CDH8: variants seen among roughly 807,000 people sequenced by gnomAD.
CDH8 encodes the protein cadherin-8.
A neutral mutation model predicts 68.1 loss-of-function variants in CDH8; 17 were observed. The observed-to-expected ratio is 0.25, with a 90% CI of 0.17 to 0.37. The LOEUF (loss-of-function observed/expected upper bound fraction) is 0.37. Ranked by LOEUF, CDH8 falls within the 10% of genes least tolerant of loss-of-function variation. The probability of loss-of-function intolerance (pLI) is 1.00; values close to 1 mark genes in which losing one functional copy is unlikely to be tolerated. For synonymous variants in CDH8, 372 were observed against 365.1 expected (o/e 1.02, Z -0.21); for missense variants, 763 against 999.3 (o/e 0.76, Z 3.19).
intron 2 of CDH8, among the ~76,000 whole-genome samples, chr16:61,961,753 TCTATA>T (rs1965158008): frequency 6.6e-6 from 1 of 152,238 alleles, no homozygotes; most frequent in Admixed American, 6.5e-5. Flanking sequence ...CCTCTGTGCC[TCTATA>T]CCTAGAACAA....
Position 61,824,996 on chromosome 16 carries a change from C to T in CDH8, c.835+16G>A, listed in dbSNP as rs777202268. On this transcript the variant is annotated intron_variant, in intron 5 of 11. Transcript: ENST00000577390. The stretch of plus-strand genomic sequence containing the variant: ...ATCATACCAAGATTCTCATCCAGTG[C>T]AGGAAATTAACTTACTCTGTGCAAA... The T allele has an allele frequency of 4.4e-6, 7 of 1,592,402 alleles. 1 individual carries two copies. Among genetic ancestry groups the T allele is most frequent in the Middle Eastern group, 3.3e-4 (2 of 6,018 alleles).
At chr16:61,723,061 A>C (rs1959241476) in intron 9 of CDH8, among the ~76,000 whole-genome samples, 1 of 150,708 alleles carries the variant, frequency 6.6e-6, no homozygotes, top group Non-Finnish European at 1.5e-5. Context: ...TGAACAAAAC[A>C]CCTTGCTTCA....
intron 8 of CDH8, among the ~76,000 whole-genome samples, chr16:61,758,046 G>A (rs1005511321): frequency 1.1e-4 from 16 of 152,132 alleles, no homozygotes; most frequent in Non-Finnish European, 1.8e-4. Flanking sequence ...GATTAATTGA[G>A]AATATTGTTA....
At chr16:62,034,171 C>T (rs1419643353) in intron 1 of CDH8, among the ~76,000 whole-genome samples, 5 of 138,282 alleles carry the variant, frequency 3.6e-5, no homozygotes, top group Non-Finnish European at 7.7e-5. Flanking sequence ...GCCCCCACCT[C>T]ATATATATAT....
At chr16:61,933,725 G>T (rs142211016) in intron 2 of CDH8, among the ~76,000 whole-genome samples, 1 of 151,700 alleles carries the variant, frequency 6.6e-6, no homozygotes, top group South Asian at 2.1e-4. Flanking sequence ...GATTTTTTTT[G>T]TTTGTTTTTT....
chr16:61,872,320 G>A (rs1190215519), intron 3 of CDH8, among the ~76,000 whole-genome samples: 1 of 152,172 alleles, frequency 6.6e-6, no homozygotes, highest in Non-Finnish European at 1.5e-5. Flanking sequence ...ATGTGCCCAA[G>A]GTGGTTGGGA....
intron 3 of CDH8, among the ~76,000 whole-genome samples, chr16:61,887,779 G>A (rs1042934274): frequency 5.3e-5 from 8 of 151,930 alleles, no homozygotes; most frequent in African/African-American, 1.9e-4. Context: ...ATTTTTTACT[G>A]TAAAAAATGT....
chr16:61,896,450 C>T (rs1029097844), intron 3 of CDH8, among the ~76,000 whole-genome samples: 2 of 152,172 alleles, frequency 1.3e-5, no homozygotes, highest in African/African-American at 4.8e-5. Flanking sequence ...TGCTGGCATT[C>T]CTCAGGGCAT....
Position 61,789,281 on chromosome 16 carries a change from G to T in CDH8, c.1414+65C>A. The T allele has an allele frequency of 2.8e-6, 4 of 1,428,476 alleles. No homozygotes were observed. In the South Asian group the frequency reaches 5.0e-5, roughly 18 times the overall value. The allele number at this position is 1,428,476 out of a possible 1,614,324, so 88.5% of individuals were successfully genotyped here. A position where few individuals can be genotyped will look rare whatever the true frequency, so the allele number is the denominator to read the frequency against. ...AACAGAAACAGGGGCTGCTTATCAC[G>T]TTATTAATAAGCATAAATTGAACTC... On this transcript the variant is annotated intron_variant, in intron 8 of 11. Coordinates refer to ENST00000577390, the MANE Select transcript of CDH8 (RefSeq NM_001796.5).
intron 4 of CDH8, among the ~76,000 whole-genome samples, chr16:61,840,092 C>G (rs980167074): frequency 6.6e-6 from 1 of 152,044 alleles, no homozygotes; most frequent in African/African-American, 2.4e-5. Context: ...CTTGTTTACT[C>G]CCCTGATAAC....
rs1491180631 is a variant in CDH8, at chr16:61,960,210, CAT to C, written c.253-58739_253-58738del. 3.0e-4 allele frequency among the ~76,000 whole-genome samples: 12 copies of C among 40,290 alleles called. 2 individuals are homozygous for C. Among genetic ancestry groups the C allele is most frequent in the Admixed American group, 1.7e-3 (6 of 3,514 alleles). 26.4% of individuals were successfully genotyped at this position (40,290 alleles called of 152,430 possible). A position where few individuals can be genotyped will look rare whatever the true frequency, so the allele number is the denominator to read the frequency against. ...GTGTGTGTATACACATACATATATA[CAT>C]GTGTGTGTGTATACACACATATATA... On this transcript the variant is annotated intron_variant, in intron 2 of 11. Coordinates refer to ENST00000577390, the MANE Select transcript of CDH8 (RefSeq NM_001796.5).
intron 2 of CDH8, among the ~76,000 whole-genome samples, chr16:61,946,949 T>G (rs1320422400): frequency 6.6e-6 from 1 of 152,240 alleles, no homozygotes; most frequent in Non-Finnish European, 1.5e-5. Flanking sequence ...TGATGTTCCA[T>G]GTAGAACACA....
chr16:61,898,513 C>T (rs12597842), intron 3 of CDH8, among the ~76,000 whole-genome samples: 38 of 151,906 alleles, frequency 2.5e-4, no homozygotes, highest in Admixed American at 4.6e-4. Context: ...CATGAAAAGT[C>T]CCCCTGGGTA....
intron 4 of CDH8, among the ~76,000 whole-genome samples, chr16:61,836,710 C>T (rs532154595): frequency 2.0e-4 from 31 of 152,012 alleles, no homozygotes; most frequent in Middle Eastern, 3.4e-3. Flanking sequence ...GTCTAAATTC[C>T]CCTCAGAGTA....
chr16:61,877,084 T>C (rs1347979536), intron 3 of CDH8, among the ~76,000 whole-genome samples: 2 of 152,158 alleles, frequency 1.3e-5, no homozygotes, highest in Non-Finnish European at 2.9e-5. Context: ...ACATTAGGTG[T>C]CATTTCCTTT....
chr16:61,733,808 T>C lies in CDH8; in HGVS notation c.1415-6593A>G, dbSNP rs1467188872. Among the ~76,000 whole-genome samples, 3 of 152,128 alleles carry C rather than the reference T, an allele frequency of 2.0e-5. No homozygotes were observed. In the East Asian group the frequency reaches 5.8e-4, roughly 29 times the overall value. On this transcript the variant is annotated intron_variant, in intron 8 of 11. Coordinates refer to ENST00000577390, the MANE Select transcript of CDH8 (RefSeq NM_001796.5). ...TCTTTTCAAAATTATGTGGTTTAAA[T>C]TGTAACTCGTTGATTCTTGAGCCCT...
intron 7 of CDH8, among the ~76,000 whole-genome samples, chr16:61,799,219 G>A (rs533203381): frequency 3.9e-4 from 60 of 152,244 alleles, no homozygotes; most frequent in Non-Finnish European, 7.8e-4. Context: ...TGGAGCTGTT[G>A]ATCGTGCCTG....
chr16:61,983,268 A>G (rs1965569578), intron 2 of CDH8, among the ~76,000 whole-genome samples: 1 of 152,148 alleles, frequency 6.6e-6, no homozygotes, highest in African/African-American at 2.4e-5. Context: ...ACCATTGTTG[A>G]TGCTTATAAT....
At chr16:61,826,553 C>T (rs1385180673) in intron 4 of CDH8, among the ~76,000 whole-genome samples, 4 of 151,760 alleles carry the variant, frequency 2.6e-5, no homozygotes, top group African/African-American at 4.8e-5. Flanking sequence ...CAATTTAACC[C>T]CTTCACTTCT....
Sources: allele counts gnomAD v4.1 joint callset (sites outside exome capture counted in the v4.1 genomes callset), GRCh38; gene constraint gnomAD v4.1.1; transcripts MANE v1.5; gene names NCBI Gene and HGNC (gene_info 2026-07-23, HGNC 2026-07-21).